The following LNPEP variants were observed in gnomAD, a reference collection of about 807,000 sequenced individuals.
LNPEP encodes leucyl-cystinyl aminopeptidase.
Under a neutral mutation model 120.6 loss-of-function variants are expected in LNPEP, and 64 were observed. The observed-to-expected ratio is 0.53, with a 90% CI of 0.43 to 0.65. The LOEUF (loss-of-function observed/expected upper bound fraction) is 0.65. LNPEP is among the 30% of genes least tolerant of loss of function. The pLI is 0.00. For synonymous variants in LNPEP, 435 were observed against 425.4 expected, an observed-to-expected ratio of 1.02 and a Z score of -0.28; for missense variants, 1,057 against 1,200.0, an observed-to-expected ratio of 0.88 and a Z score of 1.76.
intron 9 of LNPEP, 29 bp downstream of exon 9, chr5:97,003,575 C>T: frequency 6.7e-7 from 1 of 1,488,480 alleles, no homozygotes; most frequent in Non-Finnish European, 9.1e-7. Flanking sequence ...TTATTTAGCT[C>T]TTACTGTAAA....
intron 2 of LNPEP, among the ~76,000 whole-genome samples, chr5:96,981,076 G>T (rs924880873): frequency 6.6e-6 from 1 of 152,082 alleles, no homozygotes; most frequent in Non-Finnish European, 1.5e-5. Context: ...CTTCTATAAT[G>T]CCTATTATCC....
intron 13 of LNPEP, among the ~76,000 whole-genome samples, chr5:97,020,432 T>C (rs1791164900): frequency 6.6e-6 from 1 of 152,196 alleles, no homozygotes; most frequent in African/African-American, 2.4e-5. Flanking sequence ...TTCCTGTGCT[T>C]ATTCCTTCAG....
intron 1 of LNPEP, among the ~76,000 whole-genome samples, chr5:96,971,824 A>G (rs192311024): frequency 3.3e-5 from 5 of 151,974 alleles, no homozygotes; most frequent in Admixed American, 1.3e-4. Context: ...TCCTTTTTAA[A>G]ATACATCTTC....
intron 1 of LNPEP, among the ~76,000 whole-genome samples, chr5:96,960,846 T>C (rs144648266): frequency 8.6e-5 from 13 of 151,852 alleles, no homozygotes; most frequent in African/African-American, 2.7e-4. Flanking sequence ...CTATCTACTA[T>C]ACTGTATAAC....
chr5:96,991,054 C>T (rs1167890508), intron 4 of LNPEP, among the ~76,000 whole-genome samples: 1 of 152,162 alleles, frequency 6.6e-6, no homozygotes, highest in Non-Finnish European at 1.5e-5. Flanking sequence ...TTATCCCTCA[C>T]TCCCCTCCCA....
chr5:97,011,013 A>G, intron 11 of LNPEP: 1 of 985,422 alleles, frequency 1.0e-6, no homozygotes, highest in Non-Finnish European at 1.2e-6. Flanking sequence ...TTTCAAGTAT[A>G]TTCCCAGCTG....
At chr5:96,999,541 G>C (rs1340984428) in intron 8 of LNPEP, among the ~76,000 whole-genome samples, 2 of 152,098 alleles carry the variant, frequency 1.3e-5, no homozygotes, top group African/African-American at 4.8e-5. Flanking sequence ...GAAGACCATA[G>C]TGGACCTGTC....
chr5:96,996,392 G>T lies in LNPEP; in HGVS notation c.1410G>T (p.Trp470Cys). Residue 470 changes from tryptophan (W) to cysteine (C), a missense_variant and splice_region_variant, in exon 7 of 18, where the codon TGG (tryptophan) becomes TGT (cysteine). Trp to Cys is a radical substitution (Grantham distance 215, BLOSUM62 -2). Transcript: ENST00000231368. ...KIIAHELAHQ[W>C]FGNLVTMKWW... Reference sequence around the variant, plus strand: ...TTAATTGTTTTCTCTCCCCCCAGTGGTTTGGCAATCTGGTAACAATGAAGT... The same window carrying T: ...TTAATTGTTTTCTCTCCCCCCAGTGTTTTGGCAATCTGGTAACAATGAAGT... 6.3e-7 allele frequency: 1 copy of T among 1,590,120 alleles called. No homozygotes were observed. Among genetic ancestry groups the T allele is most frequent in the Non-Finnish European group, 8.6e-7 (1 of 1,158,590 alleles).
At chr5:97,010,747 T>TA (rs1460506668) in intron 11 of LNPEP, 14 of 985,218 alleles carry the variant, frequency 1.4e-5, no homozygotes, top group Non-Finnish European at 1.6e-5. Context: ...ATTGAAGTGT[T>TA]AATCTGTTGA....
intron 11 of LNPEP, chr5:97,010,539 T>G (rs1189023676): frequency 4.1e-6 from 4 of 985,126 alleles, no homozygotes; most frequent in African/African-American, 1.7e-5. Flanking sequence ...TGGAGCAAAC[T>G]GTACAGGAAA....
chr5:96,999,931 A>C (rs185755025), intron 8 of LNPEP, among the ~76,000 whole-genome samples: 2 of 152,104 alleles, frequency 1.3e-5, no homozygotes, highest in Admixed American at 1.3e-4. Flanking sequence ...TATAATCATC[A>C]AGCCTAATTC....
In LNPEP at chr5:97,030,551, TGTTA is replaced by T. The variant is rs1791447141; in HGVS notation, c.*2023_*2026del. On this transcript the variant is annotated 3_prime_UTR_variant, in exon 18 of 18. Transcript: ENST00000231368. The stretch of plus-strand genomic sequence containing the variant: ...TTCTTGACATCGCTCCTATAATGTA[TGTTA>T]GTTAACTCTGCATATGGCAAATCTT... 6.6e-6 allele frequency: 1 copy of T among 152,098 alleles called. No individual in the cohort carries two copies. The highest frequency in any genetic ancestry group is 2.1e-4 in the South Asian group (1 of 4,828). The allele number at this position is 152,098 out of a possible 1,614,324, so 9.4% of individuals were successfully genotyped here.
chr5:97,004,873 AC>A (rs1264406711), intron 9 of LNPEP, among the ~76,000 whole-genome samples: 1 of 152,182 alleles, frequency 6.6e-6, no homozygotes, highest in Non-Finnish European at 1.5e-5. Context: ...CTTTATACTT[AC>A]TGTCTTAATC....
chr5:96,974,353 T>C (rs1789940183), intron 1 of LNPEP, among the ~76,000 whole-genome samples: 2 of 152,152 alleles, frequency 1.3e-5, no homozygotes, highest in Admixed American at 6.5e-5. Flanking sequence ...CTTCTCTGTC[T>C]TTACCTCCTG....
chr5:97,014,941 T>C lies in LNPEP; in HGVS notation c.2222T>C (p.Leu741Pro). Residue 741 changes from leucine (L) to proline (P), a missense_variant and splice_region_variant, in exon 13 of 18, where the codon CTA (leucine) becomes CCA (proline). By Grantham distance (98) the Leu-to-Pro change is moderately conservative. Transcript: ENST00000231368. ...TTTCCTGTTCTTTTATCCTTTAGCCTAGGCAAGGTACCTCTCAAGAGGGCC... is the reference window on the plus strand; with the variant it reads ...TTTCCTGTTCTTTTATCCTTTAGCCCAGGCAAGGTACCTCTCAAGAGGGCC... ...LINNIFELAGLGKVPLKRAFD... is the reference protein window; with the variant it reads ...LINNIFELAGPGKVPLKRAFD... 1 of 1,550,996 alleles carries C rather than the reference T, an allele frequency of 6.4e-7. No individual in the cohort carries two copies. Among genetic ancestry groups the C allele is most frequent in the South Asian group, 1.3e-5 (1 of 77,260 alleles).
rs1392961958 is a variant in LNPEP, at chr5:97,036,671, A to C, written c.*8138A>C. 6.6e-6 allele frequency: 1 copy of C among 152,118 alleles called. No individual in the cohort carries two copies. The highest frequency in any genetic ancestry group is 1.5e-5 in the Non-Finnish European group (1 of 68,018). 9.4% of individuals were successfully genotyped at this position (152,118 alleles called of 1,614,324 possible). ...TTTCTGATACTACTACTCCATGCTGAAGATTTGCCATATTACTATTTTGGA... is the reference window on the plus strand; with the variant it reads ...TTTCTGATACTACTACTCCATGCTGCAGATTTGCCATATTACTATTTTGGA... On this transcript the variant is annotated 3_prime_UTR_variant, in exon 18 of 18. Coordinates refer to ENST00000231368, the MANE Select transcript of LNPEP (RefSeq NM_005575.3).
At chr5:97,003,625 G>GT in intron 9 of LNPEP, 79 bp downstream of exon 9, 2 of 1,006,914 alleles carry the variant, frequency 2.0e-6, no homozygotes, top group Non-Finnish European at 2.8e-6. Context: ...TAGCATGTGT[G>GT]TAAGTTAATC....
At chr5:97,009,454 T>A (rs2112651985) in intron 11 of LNPEP, among the ~76,000 whole-genome samples, 1 of 152,304 alleles carries the variant, frequency 6.6e-6, no homozygotes, top group East Asian at 1.9e-4. Context: ...AATGAATTAG[T>A]AAATTTTAGT....
chr5:96,945,710 G>A (rs776100910), intron 1 of LNPEP, among the ~76,000 whole-genome samples: 4 of 152,080 alleles, frequency 2.6e-5, no homozygotes, highest in African/African-American at 7.2e-5. Context: ...TCTGACCCCC[G>A]CTTCCCATCA....
Sources: gnomAD v4.1 joint callset for allele counts (sites outside exome capture counted in the v4.1 genomes callset) on GRCh38, gnomAD v4.1.1 for gene constraint, MANE v1.5 for transcripts, NCBI Gene and HGNC (gene_info 2026-07-23, HGNC 2026-07-21) for gene names.